Variants in PACSIN2 observed in about 807,000 individuals in gnomAD.
PACSIN2 encodes protein kinase C and casein kinase substrate in neurons 2.
In PACSIN2, 25 loss-of-function variants were observed where a neutral mutation model predicts 63.8. The observed-to-expected ratio is 0.39, with a 90% confidence interval of 0.29 to 0.55. The LOEUF is 0.55. Among genes scored for constraint, PACSIN2 ranks in the 20% least tolerant of loss-of-function variants. The pLI is 0.62. For missense variants in PACSIN2, 518 were observed against 646.9 expected (o/e 0.80, Z 2.16); for synonymous variants, 255 against 256.2 (o/e 1.00, Z 0.05).
At chr22:42,989,758 G>A (rs1291176774) in intron 1 of PACSIN2, among the ~76,000 whole-genome samples, 9 of 150,718 alleles carry the variant, frequency 6.0e-5, no homozygotes, top group African/African-American at 7.3e-5. Context: ...CTGAGATCGC[G>A]CCACCGCATT....
chr22:42,893,310 C>T, intron 3 of PACSIN2, 147 bp downstream of exon 3: 1 of 792,024 alleles, frequency 1.3e-6, no homozygotes, highest in Non-Finnish European at 2.0e-6. Context: ...CCATAAAAAT[C>T]ACACCCCGCT....
intron 1 of PACSIN2, among the ~76,000 whole-genome samples, chr22:42,949,383 C>T (rs1933577203): frequency 1.3e-5 from 2 of 152,114 alleles, no homozygotes; most frequent in South Asian, 4.2e-4. Flanking sequence ...ACTTACACAC[C>T]CATTCTCAGC....
intron 1 of PACSIN2, among the ~76,000 whole-genome samples, chr22:42,965,289 C>T (rs1920943616): frequency 6.6e-6 from 1 of 152,128 alleles, no homozygotes; most frequent in African/African-American, 2.4e-5. Context: ...GGGGGACTGA[C>T]TTCAAAGGGA....
At chr22:42,924,505 C>T (rs1932405150) in intron 1 of PACSIN2, among the ~76,000 whole-genome samples, 1 of 152,062 alleles carries the variant, frequency 6.6e-6, no homozygotes, top group Non-Finnish European at 1.5e-5. Flanking sequence ...CATTGCTGCT[C>T]TTAAGCCCCC....
rs190073118 is a variant in PACSIN2, at chr22:42,888,637, G to T, written c.609+6C>A. The T allele has an allele frequency of 8.6e-5, 139 of 1,614,000 alleles. No individual in the cohort carries two copies. The highest frequency in any genetic ancestry group is 2.7e-4 in the Admixed American group (16 of 60,012). ...CTCGACGTGTAAAAACAAGTGTACA[G>T]TTTACCTTAAGAACATCTTGCTTGC... is the stretch of plus-strand genomic sequence containing the variant. On this transcript the variant is annotated splice_donor_region_variant and intron_variant, in intron 5 of 10. Transcript: ENST00000263246.
chr22:42,907,372 T>C (rs534671746), intron 2 of PACSIN2, among the ~76,000 whole-genome samples: 2 of 152,352 alleles, frequency 1.3e-5, no homozygotes, highest in South Asian at 4.1e-4. Flanking sequence ...CCTTAATCCT[T>C]GCTCATGGTT....
intron 2 of PACSIN2, among the ~76,000 whole-genome samples, chr22:42,900,989 A>G (rs1183225666): frequency 6.6e-6 from 1 of 152,210 alleles, no homozygotes; most frequent in Non-Finnish European, 1.5e-5. Context: ...TCCAGACTCC[A>G]TGCAGCACAC....
At chr22:42,904,730 G>T (rs556832419) in intron 2 of PACSIN2, among the ~76,000 whole-genome samples, 7 of 151,766 alleles carry the variant, frequency 4.6e-5, no homozygotes, top group Non-Finnish European at 7.4e-5. Flanking sequence ...CCCCCATACT[G>T]CACTCCAGTC....
chr22:42,993,709 T>C (rs185394552), intron 1 of PACSIN2: 54 of 152,324 alleles, frequency 3.5e-4, no homozygotes, highest in African/African-American at 1.2e-3. Context: ...CTGGCAGGAA[T>C]GCCCCTGAAG....
At chr22:42,935,846 G>C (rs1055972037) in intron 1 of PACSIN2, among the ~76,000 whole-genome samples, 1 of 152,122 alleles carries the variant, frequency 6.6e-6, no homozygotes, top group Admixed American at 6.5e-5. Context: ...ACCCCTGAGA[G>C]ATGACCTAGC....
At chr22:42,977,371 A>G (rs1921775445) in intron 1 of PACSIN2, among the ~76,000 whole-genome samples, 1 of 152,186 alleles carries the variant, frequency 6.6e-6, no homozygotes, top group Non-Finnish European at 1.5e-5. Flanking sequence ...GAGAAAGGAT[A>G]TAGGTATGGA....
At chr22:42,892,759 T>TGGCTGAGGACAGCTGG (rs1047118691) in intron 3 of PACSIN2, among the ~76,000 whole-genome samples, 7 of 152,196 alleles carry the variant, frequency 4.6e-5, no homozygotes, top group Admixed American at 2.6e-4. Flanking sequence ...CTCCCCTGAT[T>TGGCTGAGGACAGCTGG]GGCTGAGGAC....
intron 1 of PACSIN2, among the ~76,000 whole-genome samples, chr22:42,972,397 A>C (rs1342492713): frequency 6.6e-6 from 1 of 152,178 alleles, no homozygotes; most frequent in Non-Finnish European, 1.5e-5. Flanking sequence ...CTGCCTAGGA[A>C]AACCAGAGAC....
chr22:42,980,431 G>A lies in PACSIN2; in HGVS notation c.-78+34590C>T, dbSNP rs561616821. Among the ~76,000 whole-genome samples the A allele has an allele frequency of 1.6e-3, 243 of 151,380 alleles. 3 individuals carry two copies. The highest frequency in any genetic ancestry group is 2.3e-3 in the Non-Finnish European group (159 of 67,814). ...CACACCACGACACTCCAGCCTGGGCGACAGAGAGAGACCCTCCCTCAAAAA... is the reference window on the plus strand; with the variant it reads ...CACACCACGACACTCCAGCCTGGGCAACAGAGAGAGACCCTCCCTCAAAAA... On this transcript the variant is annotated intron_variant, in intron 1 of 10. Transcript: ENST00000263246.
intron 5 of PACSIN2, among the ~76,000 whole-genome samples, chr22:42,887,183 T>G (rs1323739396): frequency 6.6e-6 from 1 of 152,202 alleles, no homozygotes; most frequent in Non-Finnish European, 1.5e-5. Context: ...AAGCCCAGAT[T>G]CCTGGCTCCA....
chr22:42,926,789 G>A (rs34700745), intron 1 of PACSIN2, among the ~76,000 whole-genome samples: 9,224 of 151,678 alleles, frequency 0.061, 459 homozygotes, highest in South Asian at 0.12. Flanking sequence ...CTATGATCAC[G>A]CCTGTGAATA....
intron 1 of PACSIN2, among the ~76,000 whole-genome samples, chr22:42,951,017 T>C (rs1933666960): frequency 6.6e-6 from 1 of 152,014 alleles, no homozygotes; most frequent in Non-Finnish European, 1.5e-5. Context: ...TCAGGGAAGG[T>C]TGTCCTGAGT....
At chr22:42,938,655 G>A (rs771013226) in intron 1 of PACSIN2, among the ~76,000 whole-genome samples, 1 of 152,170 alleles carries the variant, frequency 6.6e-6, no homozygotes, top group African/African-American at 2.4e-5. Flanking sequence ...TCTCCCTCTC[G>A]ACAGCCTGGC....
chr22:42,900,477 A>G (rs1031924208), intron 2 of PACSIN2, among the ~76,000 whole-genome samples: 1 of 152,146 alleles, frequency 6.6e-6, no homozygotes, highest in Admixed American at 6.5e-5. Flanking sequence ...TAAAAATTAA[A>G]TTAAATTTTA....
Sources: gnomAD v4.1 joint callset for allele counts (sites outside exome capture counted in the v4.1 genomes callset) on GRCh38, gnomAD v4.1.1 for gene constraint, MANE v1.5 for transcripts, NCBI Gene and HGNC (gene_info 2026-07-23, HGNC 2026-07-21) for gene names.